ANKRD33B: variants seen among roughly 807,000 people sequenced by gnomAD.
The protein encoded by ANKRD33B is ankyrin repeat domain 33B.
In ANKRD33B, 6 loss-of-function variants were observed where a neutral mutation model predicts 21.5. The ratio of observed to expected loss-of-function variants is 0.28; its 90% confidence interval spans 0.15 to 0.55. The LOEUF is 0.55. Among genes scored for constraint, ANKRD33B ranks in the 20% least tolerant of loss-of-function variants. The pLI is 0.94. For missense variants in ANKRD33B, 698 were observed against 747.2 expected, an observed-to-expected ratio of 0.93 and a Z score of 0.77; for synonymous variants, 347 against 342.4, an observed-to-expected ratio of 1.01 and a Z score of -0.15.
chr5:10,621,173 T>C (rs1736412048), intron 2 of ANKRD33B, among the ~76,000 whole-genome samples: 1 of 152,212 alleles, frequency 6.6e-6, no homozygotes, highest in Admixed American at 6.5e-5. Context: ...ATTTTCTTGA[T>C]TTATGGCACA....
At chr5:10,584,959 A>C (rs2126555612) in intron 1 of ANKRD33B, among the ~76,000 whole-genome samples, 1 of 152,314 alleles carries the variant, frequency 6.6e-6, no homozygotes, top group East Asian at 1.9e-4. Flanking sequence ...AGGTCTAGGA[A>C]AGAGCCTTCC....
chr5:10,625,135 G>T, intron 2 of ANKRD33B: 2 of 209,520 alleles, frequency 9.5e-6, no homozygotes, highest in Non-Finnish European at 9.9e-6. Flanking sequence ...ATGTGTTCAT[G>T]ACTTTCCTGT....
intron 1 of ANKRD33B, among the ~76,000 whole-genome samples, chr5:10,594,554 G>A (rs758882184): frequency 5.9e-5 from 9 of 152,084 alleles, no homozygotes; most frequent in East Asian, 3.9e-4. Context: ...TATTCCCTTC[G>A]TGCATGCACT....
chr5:10,620,071 G>C (rs1416488437), intron 2 of ANKRD33B, among the ~76,000 whole-genome samples: 1 of 152,112 alleles, frequency 6.6e-6, no homozygotes, highest in East Asian at 1.9e-4. Flanking sequence ...ATGGGGACCA[G>C]ACCATTAAGG....
intron 1 of ANKRD33B, among the ~76,000 whole-genome samples, chr5:10,606,594 C>T (rs1560971632): frequency 6.6e-6 from 1 of 151,994 alleles, no homozygotes; most frequent in African/African-American, 2.4e-5. Flanking sequence ...ATTAGCTGGG[C>T]GTGTTGGCGA....
At chr5:10,616,934 G>A (rs1281930250) in intron 1 of ANKRD33B, among the ~76,000 whole-genome samples, 1 of 152,230 alleles carries the variant, frequency 6.6e-6, no homozygotes, top group African/African-American at 2.4e-5. Flanking sequence ...CAGTTCTGGA[G>A]GCTGGAAGCC....
chr5:10,640,345 G>A (rs765578339), intron 3 of ANKRD33B, among the ~76,000 whole-genome samples: 3 of 152,150 alleles, frequency 2.0e-5, no homozygotes, highest in Non-Finnish European at 2.9e-5. Flanking sequence ...TGTGAAATGG[G>A]AGTAATGACC....
rs142744700 is a variant in ANKRD33B at position 10,636,265 on chromosome 5, G to C, written c.497-1763G>C. The stretch of plus-strand genomic sequence containing the variant: ...AGTGGGGGCTGAAAGGAACATGCTT[G>C]AGTTGGAATGAATAAGTGGGGATTT... On this transcript the variant is annotated intron_variant, in intron 2 of 3. Coordinates refer to ENST00000296657, the MANE Select transcript of ANKRD33B (RefSeq NM_001164440.2). Among the ~76,000 whole-genome samples the C allele has an allele frequency of 9.2e-5, 14 of 152,332 alleles. No homozygotes were observed. In the East Asian group the frequency reaches 2.7e-3, roughly 29 times the overall value.
intron 1 of ANKRD33B, among the ~76,000 whole-genome samples, chr5:10,611,240 T>C (rs10474876): frequency 0.021 from 3,263 of 152,306 alleles, 115 homozygotes; most frequent in African/African-American, 0.075. Context: ...GAAGCCGTTA[T>C]GACAAAATAT....
At chr5:10,579,120 C>T (rs532270552) in intron 1 of ANKRD33B, among the ~76,000 whole-genome samples, 87 of 148,880 alleles carry the variant, frequency 5.8e-4, no homozygotes, top group South Asian at 1.9e-3. Context: ...GCCGTGATCG[C>T]GCCACTGCAC....
chr5:10,598,117 C>T (rs367872217), intron 1 of ANKRD33B, among the ~76,000 whole-genome samples: 33 of 152,338 alleles, frequency 2.2e-4, no homozygotes, highest in East Asian at 9.6e-4. Context: ...AGTTTGCCTT[C>T]TCCTCTCAGT....
rs1030878168 is a variant in ANKRD33B at position 10,573,494 on chromosome 5, C to G, written c.366+8661C>G. 2.0e-5 allele frequency among the ~76,000 whole-genome samples: 3 copies of G among 151,564 alleles called. No homozygotes were observed. The East Asian group carries it at 5.8e-4, about 29-fold the overall frequency. On this transcript the variant is annotated intron_variant, in intron 1 of 3. Transcript: ENST00000296657. Reference sequence around the variant, plus strand: ...AAAAAAAAAAAAAAAAAACCTCTTCCAATTCTTTTATGGACATACATACTG... The same window carrying G: ...AAAAAAAAAAAAAAAAAACCTCTTCGAATTCTTTTATGGACATACATACTG...
chr5:10,612,844 G>A (rs574921934), intron 1 of ANKRD33B, among the ~76,000 whole-genome samples: 5 of 152,226 alleles, frequency 3.3e-5, no homozygotes, highest in South Asian at 2.1e-4. Context: ...GTTAGCAGGG[G>A]CTCATGGCAG....
At position 10,570,375 on chromosome 5, in the gene ANKRD33B, T is replaced by C. The variant is rs111849804; in HGVS notation, c.366+5542T>C. On this transcript the variant is annotated intron_variant, in intron 1 of 3. Coordinates refer to ENST00000296657, the MANE Select transcript of ANKRD33B (RefSeq NM_001164440.2). The stretch of plus-strand genomic sequence containing the variant: ...GCTGCGAATGGCAAGACCAAAACAG[T>C]CTTAACTGGGAGGACTCATCGCTGC... Among the ~76,000 whole-genome samples the C allele has an allele frequency of 5.2e-3, 788 of 152,166 alleles. 5 individuals are homozygous for C. Among genetic ancestry groups the C allele is most frequent in the Middle Eastern group, 0.01 (3 of 294 alleles).
chr5:10,604,317 G>C (rs529946217), intron 1 of ANKRD33B, among the ~76,000 whole-genome samples: 1 of 145,626 alleles, frequency 6.9e-6, no homozygotes, highest in South Asian at 2.3e-4. Context: ...TCAGCCTCCC[G>C]AGTAGCTGGG....
At chr5:10,598,268 G>A (rs751563629) in intron 1 of ANKRD33B, among the ~76,000 whole-genome samples, 1 of 151,890 alleles carries the variant, frequency 6.6e-6, no homozygotes, top group Non-Finnish European at 1.5e-5. Context: ...TTTATATTTT[G>A]TTTTTTGTTT....
chr5:10,627,557 C>G (rs576291340), intron 2 of ANKRD33B: 1 of 152,302 alleles, frequency 6.6e-6, no homozygotes, highest in African/African-American at 2.4e-5. Context: ...GCGGGGGAGC[C>G]CTGGTTCCTG....
In ANKRD33B at chr5:10,649,802, G is replaced by T. The variant is rs1433761190; in HGVS notation, c.1174G>T (p.Gly392Trp). The change falls in exon 4 of 4, where the codon GGG (glycine) becomes TGG (tryptophan). Residue 392 changes from glycine (G) to tryptophan (W), a missense_variant. By Grantham distance (184) the Gly-to-Trp change is radical (BLOSUM62 -2). This residue lies in a region of ANKRD33B where 543 missense variants were observed against 566.5 expected (regional missense o/e 0.96). Transcript: ENST00000296657. ...SPRAGLPPAL[G>W]SRGPAAPAPR... ...GAGAGCCGGCCTCCCTCCCGCCCTGGGGTCCCGGGGCCCCGCAGCGCCCGC... is the reference window on the plus strand; with the variant it reads ...GAGAGCCGGCCTCCCTCCCGCCCTGTGGTCCCGGGGCCCCGCAGCGCCCGC... 8 of 1,393,722 alleles carry T rather than the reference G, an allele frequency of 5.7e-6. No individual in the cohort carries two copies. Among genetic ancestry groups the T allele is most frequent in the Admixed American group, 6.6e-5 (2 of 30,486 alleles). The allele number at this position is 1,393,722 out of a possible 1,614,324, so 86.3% of individuals were successfully genotyped here.
At chr5:10,578,881 G>A (rs1200823174) in intron 1 of ANKRD33B, among the ~76,000 whole-genome samples, 2 of 152,086 alleles carry the variant, frequency 1.3e-5, no homozygotes, top group Non-Finnish European at 2.9e-5. Context: ...GATACTCTTG[G>A]CTGGGCGCAG....
Sources: gnomAD v4.1 joint callset for allele counts (sites outside exome capture counted in the v4.1 genomes callset) on GRCh38, gnomAD v4.1.1 for gene constraint, gnomAD v4.1.1 regional missense constraint, MANE v1.5 for transcripts, NCBI Gene and HGNC (gene_info 2026-07-23, HGNC 2026-07-21) for gene names.